The following FCHO1 variants were observed in gnomAD, a reference collection of about 807,000 sequenced individuals.
FCHO1 encodes the protein FCH and mu domain containing endocytic adaptor 1.
In FCHO1, 45 loss-of-function variants were observed where a neutral mutation model predicts 114.4. The ratio of observed to expected loss-of-function variants is 0.39; its 90% CI spans 0.31 to 0.50. The LOEUF is 0.50. Ranked by LOEUF, FCHO1 falls within the 20% of genes least tolerant of loss-of-function variation. The pLI is 0.77. For synonymous variants in FCHO1, 480 were observed against 488.9 expected (o/e 0.98, Z 0.24); for missense variants, 1,042 against 1,209.6 (o/e 0.86, Z 2.06).
intron 22 of FCHO1, 73 bp downstream of exon 22, chr19:17,781,612 C>T (rs1464290443): frequency 8.9e-6 from 14 of 1,575,118 alleles, no homozygotes; most frequent in Non-Finnish European, 1.2e-5. Flanking sequence ...GGTGGCTTCT[C>T]TGTTGGCAGA....
At chr19:17,772,778 G>A in intron 11 of FCHO1, 37 bp downstream of exon 11, 1 of 1,497,254 alleles carries the variant, frequency 6.7e-7, no homozygotes, top group Non-Finnish European at 9.3e-7. Context: ...GGGCTTCGGG[G>A]CCACAGCTGC....
chr19:17,778,238 A>C lies in FCHO1; in HGVS notation c.1351+10A>C. On this transcript the variant is annotated intron_variant, in intron 19 of 28. Transcript: ENST00000596536. Reference sequence around the variant, plus strand: ...CACGAAGATTTTACAGGTGATGGGGATAAGGGATTGGAGGGCATGGGTGTG... The same window carrying C: ...CACGAAGATTTTACAGGTGATGGGGCTAAGGGATTGGAGGGCATGGGTGTG... 1.2e-6 allele frequency: 2 copies of C among 1,607,430 alleles called. No homozygotes were observed. The highest frequency in any genetic ancestry group is 2.2e-5 in the South Asian group (2 of 90,964).
In FCHO1 at chr19:17,781,764, C is replaced by T; in HGVS notation, c.1881C>T (p.Pro627=). The T allele has an allele frequency of 1.2e-6, 2 of 1,611,892 alleles. No homozygotes were observed. Among genetic ancestry groups the T allele is most frequent in the East Asian group, 2.2e-5 (1 of 44,862 alleles). The part of the protein sequence containing the change: ...PVVLGSQDAL[P]IATAFTEYVH... ...TCCTGGGCTCCCAGGATGCCCTGCCCATAGCCACAGCCTTCACAGAGTATG... is the reference window on the plus strand; with the variant it reads ...TCCTGGGCTCCCAGGATGCCCTGCCTATAGCCACAGCCTTCACAGAGTATG... The change falls in exon 23 of 29, where the codon CCC becomes CCT. Residue 627 remains proline, a synonymous_variant. Transcript: ENST00000596536.
chr19:17,758,191 G>C (rs1282010319), intron 4 of FCHO1, among the ~76,000 whole-genome samples: 1 of 151,980 alleles, frequency 6.6e-6, no homozygotes, highest in Non-Finnish European at 1.5e-5. Flanking sequence ...CTCCAACCTG[G>C]GTGACAGAGT....
intron 7 of FCHO1, among the ~76,000 whole-genome samples, chr19:17,767,611 T>A (rs889754791): frequency 2.0e-5 from 3 of 149,048 alleles, no homozygotes; most frequent in Non-Finnish European, 4.5e-5. Context: ...TTATCACTGG[T>A]TTTTACATTA....
intron 23 of FCHO1, 83 bp from the exon 24 acceptor site, chr19:17,782,934 G>C: frequency 6.6e-7 from 1 of 1,512,018 alleles, no homozygotes; most frequent in Non-Finnish European, 9.0e-7. Context: ...GGAGCCACAG[G>C]CACCAGTGAA....
rs777801582 is a variant in FCHO1, at chr19:17,783,119, T to C, written c.2040T>C (p.Leu680=). ...CACCACCTGTCCTCAGCTTCCGGCT[T>C]GTACACACAACCGCTATTGAGCACT... ...TPPPPVLSFR[L]VHTTAIEHFQ... Residue 680 remains leucine, a synonymous_variant, in exon 24 of 29, where the codon CTT becomes CTC. Transcript: ENST00000596536. 2.4e-5 allele frequency: 38 copies of C among 1,614,042 alleles called. No homozygotes were observed. Among genetic ancestry groups the C allele is most frequent in the Non-Finnish European group, 3.1e-5 (36 of 1,180,034 alleles).
At chr19:17,762,680 T>C (rs950006831) in intron 4 of FCHO1, 82 bp from the exon 5 acceptor site, 1 of 986,914 alleles carries the variant, frequency 1.0e-6, no homozygotes, top group African/African-American at 1.6e-5. Flanking sequence ...GATGGACTTC[T>C]GCTCCTTGGC....
At chr19:17,783,758 T>G (rs2093636873) in intron 24 of FCHO1, among the ~76,000 whole-genome samples, 1 of 151,924 alleles carries the variant, frequency 6.6e-6, no homozygotes, top group Non-Finnish European at 1.5e-5. Flanking sequence ...TTTTTGTATT[T>G]TTAGTAGAGA....
chr19:17,754,910 AT>A, intron 3 of FCHO1: 1 of 512,192 alleles, frequency 2.0e-6, no homozygotes, highest in Non-Finnish European at 3.6e-6. Context: ...AATTGGGGGC[AT>A]CTGTGTCTTG....
intron 27 of FCHO1, among the ~76,000 whole-genome samples, chr19:17,786,898 A>G (rs1599814081): frequency 6.6e-6 from 1 of 151,942 alleles, no homozygotes; most frequent in South Asian, 2.1e-4. Flanking sequence ...AGCCTGGGCA[A>G]TAGAGCCAGA....
At chr19:17,772,401 G>A (rs1599687236) in intron 9 of FCHO1, 56 bp from the exon 10 acceptor site, 1 of 1,333,298 alleles carries the variant, frequency 7.5e-7, no homozygotes, top group East Asian at 2.3e-5. Context: ...GAGTCATATG[G>A]CCACTTCTTC....
upstream of FCHO1, among the ~76,000 whole-genome samples, chr19:17,748,353 C>T (rs1330717946): frequency 6.6e-6 from 1 of 152,146 alleles, no homozygotes; most frequent in Non-Finnish European, 1.5e-5. Context: ...CTGCCCCATC[C>T]CAGTCCTCCA....
chr19:17,774,344 A>C, intron 12 of FCHO1, 50 bp from the exon 13 acceptor site: 1 of 1,612,868 alleles, frequency 6.2e-7, no homozygotes, highest in South Asian at 1.1e-5. Flanking sequence ...GGCTGATCTG[A>C]ATGTGAAAGG....
In FCHO1 at chr19:17,784,575, A is replaced by T. The variant is rs937129696; in HGVS notation, c.2227-150A>T. On this transcript the variant is annotated intron_variant, in intron 25 of 28. Coordinates refer to ENST00000596536, the MANE Select transcript of FCHO1 (RefSeq NM_015122.3). This position sits in a 1 kb window ranked among gnomAD's most constrained non-coding sequence, Gnocchi z 5.3. The stretch of plus-strand genomic sequence containing the variant: ...CTGCCCCCTGCTGGAAACCTGGTGT[A>T]ATACAGCCTCTCATCCATCAAATCT... 2.5e-6 allele frequency: 2 copies of T among 788,302 alleles called. No homozygotes were observed. Among genetic ancestry groups the T allele is most frequent in the East Asian group, 4.9e-5 (2 of 40,456 alleles). 48.8% of individuals were successfully genotyped at this position (788,302 alleles called of 1,614,324 possible). A position where few individuals can be genotyped will look rare whatever the true frequency, so the allele number is the denominator to read the frequency against.
chr19:17,770,620 C>A (rs556530863), intron 8 of FCHO1, 43 bp downstream of exon 8: 2 of 1,591,894 alleles, frequency 1.3e-6, no homozygotes, highest in Admixed American at 1.7e-5. Flanking sequence ...TGCCGCGGGG[C>A]GGAGGGGCTG....
At chr19:17,748,683 T>C (rs2081205483), upstream of FCHO1, among the ~76,000 whole-genome samples, 1 of 152,190 alleles carries the variant, frequency 6.6e-6, no homozygotes, top group Non-Finnish European at 1.5e-5. Flanking sequence ...CCGAGTCACC[T>C]GCCCCAGCTG....
Position 17,770,530 on chromosome 19 carries a change from C to G in FCHO1, c.442C>G (p.Gln148Glu). The change falls in exon 8 of 29, where the codon CAG (glutamine) becomes GAG (glutamate). Residue 148 changes from glutamine (Q) to glutamate (E), a missense_variant. Physicochemically the swap from Gln to Glu is conservative, Grantham distance 29 (BLOSUM62 2). Around this residue, in one of 3 missense-constraint regions of FCHO1, gnomAD observed 450 missense variants for 564.1 expected, o/e 0.80. Transcript: ENST00000596536. ...GAACTACCTGAACCGTTGCATGGAC[C>G]AGGAGCGGCTGCGGAGGGAGAGTAC... The part of the protein sequence containing the change: ...RENYLNRCMD[Q>E]ERLRRESTSQ... 2 of 1,613,818 alleles carry G rather than the reference C, an allele frequency of 1.2e-6. No individual in the cohort carries two copies. The highest frequency in any genetic ancestry group is 1.7e-6 in the Non-Finnish European group (2 of 1,179,780).
Position 17,766,761 on chromosome 19 carries a change from T to A in FCHO1, c.287T>A (p.Ile96Asn). Residue 96 changes from isoleucine to asparagine, a missense_variant, in exon 7 of 29, where the codon ATC (isoleucine) becomes AAC (asparagine). By Grantham distance (149) the Ile-to-Asn change is moderately radical. This residue lies in a region of FCHO1 where 450 missense variants were observed against 564.1 expected (regional missense o/e 0.80). Transcript: ENST00000596536. ...LELTRKLQDL[I>N]KDVLRYGEEQ... ...CTGACACGGAAGTTACAGGATCTCA[T>A]CAAGGACGTTCTCCGCTACGGCGAG... 1 of 1,614,114 alleles carries A rather than the reference T, an allele frequency of 6.2e-7. No homozygotes were observed. The highest frequency in any genetic ancestry group is 8.5e-7 in the Non-Finnish European group (1 of 1,180,010).
Sources: allele counts gnomAD v4.1 joint callset (sites outside exome capture counted in the v4.1 genomes callset), GRCh38; gene constraint gnomAD v4.1.1; regional missense constraint gnomAD v4.1.1; non-coding constraint Gnocchi (gnomAD v3.1); transcripts MANE v1.5; gene names NCBI Gene and HGNC (gene_info 2026-07-23, HGNC 2026-07-21).